Variants in FSTL4 observed in about 807,000 individuals in gnomAD.
FSTL4 encodes follistatin like 4, also known as follistatin-related protein 4.
FSTL4 carries 28 observed loss-of-function variants against 78.2 expected under a neutral mutation model. The ratio of observed to expected loss-of-function variants is 0.36; its 90% CI spans 0.27 to 0.49. The LOEUF (loss-of-function observed/expected upper bound fraction) is 0.49. Ranked by LOEUF, FSTL4 falls within the 20% of genes least tolerant of loss-of-function variation. The pLI, the probability that FSTL4 is intolerant of heterozygous loss-of-function variation, is 0.98. For missense variants in FSTL4, 922 were observed against 1,084.9 expected (o/e 0.85, Z 2.11); for synonymous variants, 422 against 440.5 (o/e 0.96, Z 0.53).
chr5:133,266,613 A>G (rs1314553970), intron 6 of FSTL4: 2 of 152,280 alleles, frequency 1.3e-5, no homozygotes, highest in African/African-American at 4.8e-5. Flanking sequence ...CCTCTGTGAG[A>G]AGCAGGTGAG....
intron 2 of FSTL4, among the ~76,000 whole-genome samples, chr5:133,597,458 T>G (rs1396678617): frequency 6.6e-6 from 1 of 152,222 alleles, no homozygotes; most frequent in African/African-American, 2.4e-5. Flanking sequence ...GGTGGGAAGT[T>G]TCCTACAGGA....
the FSTL4 span, among the ~76,000 whole-genome samples, chr5:133,789,823 G>A: frequency 5.3e-5 from 8 of 152,248 alleles, no homozygotes; most frequent in Non-Finnish European, 5.9e-5. Flanking sequence ...TTCTTATAAG[G>A]ACATGAATTT....
chr5:133,636,924 C>T, the FSTL4 span, among the ~76,000 whole-genome samples: 1,018 of 152,240 alleles, frequency 6.7e-3, 6 homozygotes, highest in Non-Finnish European at 0.011. Context: ...GATGAGGAAA[C>T]TGAGGCTCAG....
chr5:133,713,125 A>G, the FSTL4 span, among the ~76,000 whole-genome samples: 3 of 152,226 alleles, frequency 2.0e-5, no homozygotes. Flanking sequence ...AAACAGGTAC[A>G]AAACCCATAG....
intron 4 of FSTL4, among the ~76,000 whole-genome samples, chr5:133,324,651 C>A (rs1754162333): frequency 1.3e-5 from 2 of 152,222 alleles, no homozygotes; most frequent in Admixed American, 6.5e-5. Flanking sequence ...TACAGGTGTA[C>A]CCCCAGCACC....
chr5:133,506,503 G>A (rs1339484612), intron 3 of FSTL4, among the ~76,000 whole-genome samples: 1 of 152,144 alleles, frequency 6.6e-6, no homozygotes, highest in African/African-American at 2.4e-5. Context: ...AGAAAGATTG[G>A]AAGCTCAAGT....
the FSTL4 span, among the ~76,000 whole-genome samples, chr5:133,778,869 C>T: frequency 6.6e-6 from 1 of 152,210 alleles, no homozygotes; most frequent in African/African-American, 2.4e-5. Flanking sequence ...TCTCACAAGG[C>T]CCAAGCTGGG....
At chr5:133,802,380 C>T in the FSTL4 span, among the ~76,000 whole-genome samples, 3 of 152,160 alleles carry the variant, frequency 2.0e-5, no homozygotes, top group Admixed American at 6.5e-5. Context: ...GCTGAAAGGT[C>T]GTTATCTTCA....
the FSTL4 span, among the ~76,000 whole-genome samples, chr5:133,713,894 C>A: frequency 6.6e-6 from 1 of 152,222 alleles, no homozygotes; most frequent in Non-Finnish European, 1.5e-5. Context: ...CACAGCCACA[C>A]ATCGGCTCTC....
chr5:133,617,315 A>G (rs1761217505), upstream of FSTL4, among the ~76,000 whole-genome samples: 1 of 150,334 alleles, frequency 6.7e-6, no homozygotes, highest in African/African-American at 2.5e-5. Flanking sequence ...AAAAAAAAAA[A>G]AAAAAAAGTC....
At chr5:133,727,027 G>A in the FSTL4 span, among the ~76,000 whole-genome samples, 1 of 152,044 alleles carries the variant, frequency 6.6e-6, no homozygotes, top group African/African-American at 2.4e-5. Flanking sequence ...TGGAAAACCG[G>A]GTGGCAGGTG....
the FSTL4 span, among the ~76,000 whole-genome samples, chr5:133,796,640 C>CT: frequency 8.5e-5 from 13 of 152,074 alleles, no homozygotes; most frequent in Non-Finnish European, 1.9e-4. Flanking sequence ...TCCTCCTCTT[C>CT]TTTCTCTGCC....
intron 3 of FSTL4, among the ~76,000 whole-genome samples, chr5:133,461,128 G>A (rs951121810): frequency 1.3e-5 from 2 of 152,176 alleles, no homozygotes; most frequent in African/African-American, 2.4e-5. Flanking sequence ...ACTGCTGGGA[G>A]CAAAACTCTC....
chr5:133,610,185 A>G (rs774742343), intron 1 of FSTL4, among the ~76,000 whole-genome samples: 1 of 152,128 alleles, frequency 6.6e-6, no homozygotes, highest in Non-Finnish European at 1.5e-5. Context: ...GAAAAATCCA[A>G]CCTCCTCTTC....
At chr5:133,350,598 G>T (rs780176796) in intron 4 of FSTL4, among the ~76,000 whole-genome samples, 1 of 152,198 alleles carries the variant, frequency 6.6e-6, no homozygotes, top group East Asian at 1.9e-4. Context: ...TAACAGGTAC[G>T]ATCCACATAA....
chr5:133,429,743 G>A (rs761971254), intron 3 of FSTL4, among the ~76,000 whole-genome samples: 5 of 152,106 alleles, frequency 3.3e-5, no homozygotes, highest in Non-Finnish European at 5.9e-5. Context: ...AACAGAGCAC[G>A]GTAAGTTTAG....
chr5:133,734,970 AACTC>A, the FSTL4 span, among the ~76,000 whole-genome samples: 1 of 152,172 alleles, frequency 6.6e-6, no homozygotes, highest in Non-Finnish European at 1.5e-5. Context: ...GCAATGCAGG[AACTC>A]AAAGAACAGG....
At chr5:133,455,843 C>G (rs1757476725) in intron 3 of FSTL4, among the ~76,000 whole-genome samples, 1 of 152,238 alleles carries the variant, frequency 6.6e-6, no homozygotes, top group Non-Finnish European at 1.5e-5. Flanking sequence ...TGGACTTCTG[C>G]AAACCTGTGC....
At chr5:133,463,975 C>A (rs984441662) in intron 3 of FSTL4, among the ~76,000 whole-genome samples, 2 of 152,228 alleles carry the variant, frequency 1.3e-5, no homozygotes, top group Non-Finnish European at 2.9e-5. Context: ...ACTATTCTTC[C>A]ATGTCAGTAT....
Sources: gnomAD v4.1 joint callset for allele counts (sites outside exome capture counted in the v4.1 genomes callset) on GRCh38, gnomAD v4.1.1 for gene constraint, MANE v1.5 for transcripts, NCBI Gene and HGNC (gene_info 2026-07-23, HGNC 2026-07-21) for gene names.